Variants in TMEM45A observed in about 807,000 individuals in gnomAD.
The protein encoded by TMEM45A is DNA polymerase-transactivated protein 4.
TMEM45A carries 25 observed loss-of-function variants against 32.0 expected under a neutral mutation model. The observed-to-expected ratio is 0.78, with a 90% CI of 0.57 to 1.09. The LOEUF is 1.09. TMEM45A is among the 50% of genes least tolerant of loss of function. The pLI is 0.00. For missense variants in TMEM45A, 302 were observed against 325.0 expected (o/e 0.93, Z 0.54); for synonymous variants, 122 against 114.8 (o/e 1.06, Z -0.40).
chr3:100,533,500 A>C (rs1424446575), intron 1 of TMEM45A, among the ~76,000 whole-genome samples: 2 of 151,804 alleles, frequency 1.3e-5, no homozygotes, highest in Non-Finnish European at 2.9e-5. Context: ...GTTTCTTCCT[A>C]CACACTCCTG....
chr3:100,575,363 C>CTCTTTTTTTTTTTT lies in TMEM45A; in HGVS notation c.735-1561_735-1560insCTTTTTTTTTTTTT, dbSNP rs1706660425. ...TGCTTCCCCCAGGCCTATGGATTCTCTTTTTTTTTTTTTTTTTTTTTTTTT... is the reference window on the plus strand; with the variant it reads ...TGCTTCCCCCAGGCCTATGGATTCTCTCTTTTTTTTTTTTTTTTTTTTTTTTTTTTTTTTTTTTT... On this transcript the variant is annotated intron_variant, in intron 5 of 5. Transcript: ENST00000323523. Among the ~76,000 whole-genome samples, 105 of 62,762 alleles carry CTCTTTTTTTTTTTT rather than the reference C, an allele frequency of 1.7e-3. 2 individuals carry two copies. Among genetic ancestry groups the CTCTTTTTTTTTTTT allele is most frequent in the African/African-American group, 5.0e-3 (93 of 18,632 alleles). The allele number at this position is 62,762 out of a possible 152,430, so 41.2% of individuals were successfully genotyped here.
At chr3:100,532,381 T>C (rs996591105) in intron 1 of TMEM45A, among the ~76,000 whole-genome samples, 2 of 152,168 alleles carry the variant, frequency 1.3e-5, no homozygotes, top group Non-Finnish European at 2.9e-5. Context: ...TTTGGAAAGA[T>C]AAAAACCAGA....
At chr3:100,548,113 A>G (rs1349451345) in intron 1 of TMEM45A, among the ~76,000 whole-genome samples, 1 of 151,996 alleles carries the variant, frequency 6.6e-6, no homozygotes, top group East Asian at 1.9e-4. Flanking sequence ...AGGTAATAGC[A>G]CTCTAGAGTG....
intron 1 of TMEM45A, among the ~76,000 whole-genome samples, chr3:100,508,231 G>A (rs1304856782): frequency 6.6e-6 from 1 of 152,078 alleles, no homozygotes; most frequent in Non-Finnish European, 1.5e-5. Context: ...CCACACGATG[G>A]CATTGTCTCA....
chr3:100,567,732 T>C (rs1174635620), intron 4 of TMEM45A, among the ~76,000 whole-genome samples: 1 of 152,124 alleles, frequency 6.6e-6, no homozygotes, highest in Non-Finnish European at 1.5e-5. Context: ...ATTAAATTTA[T>C]TCTTAAAGTA....
At chr3:100,504,599 C>T (rs1163824071) in intron 1 of TMEM45A, among the ~76,000 whole-genome samples, 2 of 152,244 alleles carry the variant, frequency 1.3e-5, no homozygotes, top group Admixed American at 6.5e-5. Context: ...TCATCTGGCC[C>T]TGCCTGTATC....
intron 1 of TMEM45A, among the ~76,000 whole-genome samples, chr3:100,536,030 C>T (rs543531811): frequency 1.3e-5 from 2 of 152,188 alleles, no homozygotes; most frequent in East Asian, 1.9e-4. Flanking sequence ...AGAATTTGCC[C>T]CCCAGGTGAC....
At chr3:100,501,415 A>G (rs571542756) in intron 1 of TMEM45A, among the ~76,000 whole-genome samples, 2 of 152,180 alleles carry the variant, frequency 1.3e-5, no homozygotes, top group African/African-American at 4.8e-5. Flanking sequence ...AGAACCATGG[A>G]TCTAGTGGGA....
intron 1 of TMEM45A, among the ~76,000 whole-genome samples, chr3:100,533,432 C>T (rs1444556231): frequency 1.3e-5 from 2 of 152,126 alleles, no homozygotes; most frequent in African/African-American, 4.8e-5. Context: ...GCATTCCTCA[C>T]GTCTGCACAG....
chr3:100,494,094 C>T (rs996276883), intron 1 of TMEM45A, among the ~76,000 whole-genome samples: 1 of 152,124 alleles, frequency 6.6e-6, no homozygotes, highest in Non-Finnish European at 1.5e-5. Context: ...TATGTACATG[C>T]TTGCAGATAG....
rs571225241 is a variant in TMEM45A at position 100,495,498 on chromosome 3, G to A, written c.-4+2570G>A. Among the ~76,000 whole-genome samples the A allele has an allele frequency of 1.3e-4, 20 of 152,322 alleles. 1 individual carries two copies. The South Asian group carries it at 3.7e-3, about 28-fold the overall frequency. ...TGGAGGAAAGTTTGGAAAGGTGGGA[G>A]AGGTGGGAAGGGACAGCATAAATTA... On this transcript the variant is annotated intron_variant, in intron 1 of 5. Transcript: ENST00000323523.
chr3:100,551,588 A>G (rs1423562625), intron 1 of TMEM45A, among the ~76,000 whole-genome samples: 3 of 152,236 alleles, frequency 2.0e-5, no homozygotes. Flanking sequence ...AGAGATTTAC[A>G]GATAATTGTT....
intron 1 of TMEM45A, among the ~76,000 whole-genome samples, chr3:100,540,278 G>A (rs1361501629): frequency 6.6e-6 from 1 of 152,044 alleles, no homozygotes; most frequent in Non-Finnish European, 1.5e-5. Flanking sequence ...ACAGACTGGG[G>A]AAAATGTTTG....
In TMEM45A at chr3:100,558,405, C is replaced by A. The variant is rs144916545; in HGVS notation, c.404C>A (p.Ala135Asp). 4.3e-6 allele frequency: 7 copies of A among 1,612,768 alleles called. No individual in the cohort carries two copies. The highest frequency in any genetic ancestry group is 1.7e-5 in the Admixed American group (1 of 59,990). ...LMLSNALFVE[A>D]FIFYNHTHGR... The stretch of plus-strand genomic sequence containing the variant: ...AGACAATCTGTTTTTTCCCCATCAG[C>A]CTTTATCTTCTACAACCACACTCAT... Residue 135 changes from alanine to aspartate, a missense_variant and splice_region_variant, in exon 4 of 6, where the codon GCC becomes GAC. By Grantham distance (126) the Ala-to-Asp change is moderately radical. Coordinates refer to ENST00000323523, the MANE Select transcript of TMEM45A (RefSeq NM_018004.3).
rs905437240 is a variant in TMEM45A at position 100,550,200 on chromosome 3, A to AG, written c.-3-5009_-3-5008insG. Among the ~76,000 whole-genome samples the AG allele has an allele frequency of 3.4e-4, 42 of 122,500 alleles. 1 individual carries two copies. Among genetic ancestry groups the AG allele is most frequent in the African/African-American group, 1.2e-3 (41 of 33,194 alleles). 80.4% of individuals were successfully genotyped at this position (122,500 alleles called of 152,430 possible). A position where few individuals can be genotyped will look rare whatever the true frequency, so the allele number is the denominator to read the frequency against. ...CCCTAAAACTTAAAGCATAATAAAA[A>AG]AAAAAAAGAAAAAAAAATAAATCCT... is the stretch of plus-strand genomic sequence containing the variant. On this transcript the variant is annotated intron_variant, in intron 1 of 5. Transcript: ENST00000323523.
At chr3:100,561,840 C>T (rs1054694417) in intron 4 of TMEM45A, among the ~76,000 whole-genome samples, 6 of 152,188 alleles carry the variant, frequency 3.9e-5, no homozygotes, top group African/African-American at 1.4e-4. Context: ...CCACTAGTCC[C>T]CCCAGAGATT....
At chr3:100,537,749 T>G (rs1171774265) in intron 1 of TMEM45A, among the ~76,000 whole-genome samples, 1 of 152,252 alleles carries the variant, frequency 6.6e-6, no homozygotes, top group African/African-American at 2.4e-5. Flanking sequence ...CAGGTGTCAT[T>G]GTCACAGAGC....
In TMEM45A at chr3:100,558,448, C is replaced by G. The variant is rs765262185; in HGVS notation, c.447C>G (p.Asp149Glu). The change falls in exon 4 of 6, where the codon GAC becomes GAG. Residue 149 changes from aspartate (D) to glutamate (E), a missense_variant. Coordinates refer to ENST00000323523, the MANE Select transcript of TMEM45A (RefSeq NM_018004.3). The part of the protein sequence containing the change: ...YNHTHGREML[D>E]IFVHQLLVLV... ...ACACTCATGGCCGGGAAATGCTGGA[C>G]ATCTTTGTGCACCAGCTGCTGGTTT... The G allele has an allele frequency of 6.2e-7, 1 of 1,613,986 alleles. No individual in the cohort carries two copies. Among genetic ancestry groups the G allele is most frequent in the Non-Finnish European group, 8.5e-7 (1 of 1,180,014 alleles).
At chr3:100,571,621 T>C (rs1273401430) in intron 5 of TMEM45A, 1 of 152,202 alleles carries the variant, frequency 6.6e-6, no homozygotes, top group Non-Finnish European at 1.5e-5. Context: ...TATTATACTT[T>C]AAGTTTTAGG....
Sources: allele counts gnomAD v4.1 joint callset (sites outside exome capture counted in the v4.1 genomes callset), GRCh38; gene constraint gnomAD v4.1.1; transcripts MANE v1.5; gene names NCBI Gene and HGNC (gene_info 2026-07-23, HGNC 2026-07-21).